The following MSH3 variants were observed in gnomAD, a reference collection of about 807,000 sequenced individuals.
The protein encoded by MSH3 is DNA mismatch repair protein Msh3.
In MSH3, 106 loss-of-function variants were observed where a neutral mutation model predicts 123.3. The ratio of observed to expected loss-of-function variants is 0.86; its 90% CI spans 0.73 to 1.01. The LOEUF (loss-of-function observed/expected upper bound fraction) is 1.01. Among genes scored for constraint, MSH3 ranks in the 50% least tolerant of loss-of-function variants. The probability of loss-of-function intolerance (pLI) is 0.00; values close to 1 mark genes in which losing one functional copy is unlikely to be tolerated. For synonymous variants in MSH3, 515 were observed against 481.4 expected, an observed-to-expected ratio of 1.07 and a Z score of -0.91; for missense variants, 1,459 against 1,347.6, an observed-to-expected ratio of 1.08 and a Z score of -1.29.
intron 12 of MSH3, among the ~76,000 whole-genome samples, chr5:80,749,274 G>A (rs1743784380): frequency 6.6e-6 from 1 of 152,178 alleles, no homozygotes; most frequent in South Asian, 2.1e-4. Context: ...TCGCCAAAGG[G>A]CAGAGAGTCC....
chr5:80,775,379 G>C (rs1363917396), intron 15 of MSH3, among the ~76,000 whole-genome samples: 1 of 152,040 alleles, frequency 6.6e-6, no homozygotes, highest in African/African-American at 2.4e-5. Flanking sequence ...GAATTCTTAA[G>C]ATAAGTGAGT....
intron 20 of MSH3, among the ~76,000 whole-genome samples, chr5:80,824,953 A>G (rs918896889): frequency 1.9e-4 from 29 of 152,078 alleles, no homozygotes; most frequent in African/African-American, 6.8e-4. Flanking sequence ...TATCCATTCC[A>G]CTGTGCTCCC....
At chr5:80,835,522 T>G (rs1050859347) in intron 20 of MSH3, among the ~76,000 whole-genome samples, 5 of 152,216 alleles carry the variant, frequency 3.3e-5, no homozygotes, top group Non-Finnish European at 5.9e-5. Flanking sequence ...TAGCACAGGT[T>G]TGGCTTTACC....
intron 8 of MSH3, among the ~76,000 whole-genome samples, chr5:80,702,408 C>T (rs963473259): frequency 6.6e-6 from 1 of 152,126 alleles, no homozygotes; most frequent in African/African-American, 2.4e-5. Flanking sequence ...TCCCTGATGG[C>T]CATATGGGAG....
intron 19 of MSH3, among the ~76,000 whole-genome samples, chr5:80,804,737 G>A (rs190719252): frequency 5.7e-4 from 87 of 152,296 alleles, no homozygotes; most frequent in African/African-American, 2.0e-3. Flanking sequence ...GAAGCCAGCA[G>A]AATACTGGGT....
chr5:80,840,892 A>T (rs993824631), intron 20 of MSH3, among the ~76,000 whole-genome samples: 15 of 140,188 alleles, frequency 1.1e-4, no homozygotes, highest in South Asian at 4.6e-4. Flanking sequence ...ATTTTTTTTT[A>T]AATTTTAAGA....
At chr5:80,774,026 C>T (rs928927625) in intron 15 of MSH3, among the ~76,000 whole-genome samples, 6 of 152,102 alleles carry the variant, frequency 3.9e-5, no homozygotes, top group Admixed American at 3.3e-4. Context: ...CCTCAGCCTC[C>T]CAAAGTGCTG....
intron 19 of MSH3, among the ~76,000 whole-genome samples, chr5:80,801,866 C>CA (rs1220855349): frequency 4.1e-4 from 62 of 152,218 alleles, no homozygotes; most frequent in African/African-American, 1.5e-3. Context: ...CCAGAGTCCA[C>CA]ACTAGAAACC....
At chr5:80,848,106 G>C (rs1745756980) in intron 20 of MSH3, among the ~76,000 whole-genome samples, 1 of 152,208 alleles carries the variant, frequency 6.6e-6, no homozygotes, top group African/African-American at 2.4e-5. Flanking sequence ...AGGCATGCCT[G>C]TAGTCCCAGC....
chr5:80,817,673 A>T (rs936665765), intron 20 of MSH3, among the ~76,000 whole-genome samples: 1 of 152,156 alleles, frequency 6.6e-6, no homozygotes, highest in Admixed American at 6.5e-5. Flanking sequence ...CTGAAAAATA[A>T]AGATCCAAGC....
At chr5:80,807,801 A>G (rs895550860) in intron 19 of MSH3, among the ~76,000 whole-genome samples, 1 of 152,176 alleles carries the variant, frequency 6.6e-6, no homozygotes, top group Non-Finnish European at 1.5e-5. Context: ...AGGGCACACT[A>G]ACAGATACCC....
At position 80,835,822 on chromosome 5, in the gene MSH3, C is replaced by T. The variant is rs142886709; in HGVS notation, c.2814-18308C>T. On this transcript the variant is annotated intron_variant, in intron 20 of 23. Coordinates refer to ENST00000265081, the MANE Select transcript of MSH3 (RefSeq NM_002439.5). ...CCCAGCTACTCGGGAGGCTGAGGCA[C>T]GAGAATTACTTGAACCCTGGAGGTA... Among the ~76,000 whole-genome samples, 20 of 151,706 alleles carry T rather than the reference C, an allele frequency of 1.3e-4. No homozygotes were observed. The South Asian group carries it at 3.7e-3, about 28-fold the overall frequency.
At chr5:80,842,517 A>C (rs1167157055) in intron 20 of MSH3, among the ~76,000 whole-genome samples, 2 of 152,226 alleles carry the variant, frequency 1.3e-5, no homozygotes, top group African/African-American at 4.8e-5. Flanking sequence ...CATTTTCACA[A>C]TATTGATTCT....
chr5:80,776,585 C>T (rs1178867128), intron 16 of MSH3, among the ~76,000 whole-genome samples: 1 of 151,862 alleles, frequency 6.6e-6, no homozygotes, highest in African/African-American at 2.4e-5. Flanking sequence ...ATTTAGAGAA[C>T]CACATTGGGA....
In MSH3 at chr5:80,768,849, CTG is replaced by C. The variant is rs1744168201; in HGVS notation, c.2100_2101del (p.Glu701IlefsTer3). 2 of 1,607,908 alleles carry C rather than the reference CTG, an allele frequency of 1.2e-6. No individual in the cohort carries two copies. The highest frequency in any genetic ancestry group is 3.3e-5 in the Admixed American group (2 of 59,816). On this transcript the variant is annotated frameshift_variant, in exon 15 of 24. Coordinates refer to ENST00000265081, the MANE Select transcript of MSH3 (RefSeq NM_002439.5). LOFTEE classifies it high-confidence loss of function. The stretch of plus-strand genomic sequence containing the variant: ...TGATTTTTTAGAGTTGGGGATAAAA[CTG>C]AATTATTTAAAGACCTTTCTGACTT...
At chr5:80,719,232 G>T (rs1751027250) in intron 8 of MSH3, among the ~76,000 whole-genome samples, 1 of 151,976 alleles carries the variant, frequency 6.6e-6, no homozygotes, top group South Asian at 2.1e-4. Context: ...ATTTTTAGTA[G>T]AGATGGGGTT....
rs1580027713 is a variant in MSH3, at chr5:80,761,680, T to C, written c.1896+2T>C. ...CTCTGTAGCATTTATCACAAAAAAG[T>C]AAGTGTGATAGAAATCTATTAAAGC... On this transcript the variant is annotated splice_donor_variant, in intron 13 of 23. Transcript: ENST00000265081. LOFTEE classifies it high-confidence loss of function. 1 of 1,614,080 alleles carries C rather than the reference T, an allele frequency of 6.2e-7. No individual in the cohort carries two copies. The highest frequency in any genetic ancestry group is 1.1e-5 in the South Asian group (1 of 91,078).
In MSH3 at chr5:80,821,620, C is replaced by G. The variant is rs180803342; in HGVS notation, c.2813+7879C>G. ...GAAATATGGGACATTTTCCTGTGCT[C>G]TGCCATTTGAGTAGCTGTTAGTTTA... is the stretch of plus-strand genomic sequence containing the variant. On this transcript the variant is annotated intron_variant, in intron 20 of 23. Transcript: ENST00000265081. Among the ~76,000 whole-genome samples the G allele has an allele frequency of 5.0e-4, 76 of 152,328 alleles. 2 individuals carry two copies. The highest frequency in any genetic ancestry group is 1.7e-3 in the African/African-American group (71 of 41,582).
chr5:80,683,652 T>G (rs1437022955), intron 8 of MSH3, among the ~76,000 whole-genome samples: 2 of 152,212 alleles, frequency 1.3e-5, no homozygotes, highest in African/African-American at 2.4e-5. Context: ...TTCCATGGGT[T>G]GTCTCTTCAC....
Sources: allele counts gnomAD v4.1 joint callset (sites outside exome capture counted in the v4.1 genomes callset), GRCh38; gene constraint gnomAD v4.1.1; transcripts MANE v1.5; gene names NCBI Gene and HGNC (gene_info 2026-07-23, HGNC 2026-07-21).